Variants in VIL1 observed in about 807,000 individuals in gnomAD.
VIL1 encodes villin-1.
In VIL1, 86 loss-of-function variants were observed where a neutral mutation model predicts 104.0. That is an observed-to-expected ratio of 0.83 (90% CI 0.69 to 0.99). The LOEUF is 0.99. Ranked by LOEUF, VIL1 falls within the 50% of genes least tolerant of loss-of-function variation. VIL1 has a pLI of 0.00. For synonymous variants in VIL1, 394 were observed against 412.6 expected (o/e 0.95, Z 0.55); for missense variants, 944 against 1,054.1 (o/e 0.90, Z 1.45).
In VIL1 at chr2:218,430,759, C is replaced by T. The variant is rs375517121; in HGVS notation, c.983C>T (p.Thr328Ile). 38 of 1,610,300 alleles carry T rather than the reference C, an allele frequency of 2.4e-5. No homozygotes were observed. Among genetic ancestry groups the T allele is most frequent in the Non-Finnish European group, 2.8e-5 (33 of 1,178,250 alleles). ...FIKAKQYPPS[T>I]QVEVQNDGAE... ...AAAGCCAAGCAGTACCCACCAAGCACACAGGTGGAGGTGCAGAATGATGGG... is the reference window on the plus strand; with the variant it reads ...AAAGCCAAGCAGTACCCACCAAGCATACAGGTGGAGGTGCAGAATGATGGG... Residue 328 changes from threonine to isoleucine, a missense_variant, in exon 10 of 20, where the codon ACA (threonine) becomes ATA (isoleucine). Physicochemically the swap from Thr to Ile is moderately conservative, Grantham distance 89. Transcript: ENST00000248444.
At chr2:218,426,004 A>G (rs1476404457) in intron 4 of VIL1, among the ~76,000 whole-genome samples, 193 bp downstream of exon 4, 2 of 152,146 alleles carry the variant, frequency 1.3e-5, no homozygotes, top group African/African-American at 4.8e-5. Flanking sequence ...GACCCTCATG[A>G]GTTTTTGGTG....
chr2:218,425,147 C>T (rs1688957720), intron 3 of VIL1, among the ~76,000 whole-genome samples: 1 of 152,202 alleles, frequency 6.6e-6, no homozygotes, highest in Non-Finnish European at 1.5e-5. Flanking sequence ...ATGGCACAAT[C>T]TTGGCTCACT....
rs559873675 is a variant in VIL1 at position 218,451,451 on chromosome 2, A to G, written c.*2115A>G. ...TAAGAGTATCTACTGCAGTCATTTC[A>G]GAGGACAGAGAAGGAAAATATTTTA... is the stretch of plus-strand genomic sequence containing the variant. On this transcript the variant is annotated 3_prime_UTR_variant, in exon 20 of 20. Coordinates refer to ENST00000248444, the MANE Select transcript of VIL1 (RefSeq NM_007127.3). The G allele has an allele frequency of 6.6e-6, 1 of 152,350 alleles. No individual in the cohort carries two copies. Among genetic ancestry groups the G allele is most frequent in the South Asian group, 2.1e-4 (1 of 4,830 alleles). The allele number at this position is 152,350 out of a possible 1,614,324, so 9.4% of individuals were successfully genotyped here.
chr2:218,429,959 G>T lies in VIL1; in HGVS notation c.948+12G>T. 1.4e-6 allele frequency: 2 copies of T among 1,469,580 alleles called. No individual in the cohort carries two copies. Among genetic ancestry groups the T allele is most frequent in the South Asian group, 1.1e-5 (1 of 88,110 alleles). 91.0% of individuals were successfully genotyped at this position (1,469,580 alleles called of 1,614,324 possible). ...TGAGCCATGCGCTGGTAGTGGTGGG[G>T]GCGGGGGAGGGTCCAGGAGGAGGGC... On this transcript the variant is annotated intron_variant, in intron 9 of 19. Transcript: ENST00000248444.
intron 9 of VIL1, 80 bp from the exon 10 acceptor site, chr2:218,430,643 AGG>A: frequency 6.7e-7 from 1 of 1,490,804 alleles, no homozygotes; most frequent in Admixed American, 2.3e-5. Flanking sequence ...GGATCTGGTT[AGG>A]TTAGAGCTAG....
At chr2:218,438,979 G>A (rs1234969015) in intron 18 of VIL1, among the ~76,000 whole-genome samples, 1 of 138,222 alleles carries the variant, frequency 7.2e-6, no homozygotes, top group African/African-American at 2.7e-5. Context: ...CTCCCAGGCT[G>A]GAGTGCAGTG....
chr2:218,433,050 G>A, intron 13 of VIL1, 99 bp downstream of exon 13: 2 of 1,444,644 alleles, frequency 1.4e-6, no homozygotes, highest in Non-Finnish European at 1.9e-6. Context: ...AGGGCTTGAG[G>A]TGAAGCCCAT....
At chr2:218,419,967 A>C (rs1688871471) in intron 1 of VIL1, among the ~76,000 whole-genome samples, 1 of 152,076 alleles carries the variant, frequency 6.6e-6, no homozygotes, top group Admixed American at 6.6e-5. Context: ...CTCTTCTATC[A>C]TGAGCCTGGG....
At chr2:218,423,949 C>A in intron 2 of VIL1, 96 bp downstream of exon 2, 1 of 1,420,268 alleles carries the variant, frequency 7.0e-7, no homozygotes, top group Non-Finnish European at 9.8e-7. Context: ...GTTTCCTCTG[C>A]TCCTGCCCTG....
chr2:218,429,888 G>A lies in VIL1; in HGVS notation c.889G>A (p.Val297Met), dbSNP rs140845549. Residue 297 changes from valine to methionine, a missense_variant, in exon 9 of 20, where the codon GTG (valine) becomes ATG (methionine). Transcript: ENST00000248444. ...ILDQGGLKIY[V>M]WKGKKANEQE... ...GGACCAGGGGGGCCTGAAGATCTACGTGTGGAAAGGGAAGAAAGCCAATGA... is the reference window on the plus strand; with the variant it reads ...GGACCAGGGGGGCCTGAAGATCTACATGTGGAAAGGGAAGAAAGCCAATGA... The A allele has an allele frequency of 1.9e-5, 31 of 1,612,958 alleles. No individual in the cohort carries two copies. The highest frequency in any genetic ancestry group is 5.5e-5 in the South Asian group (5 of 91,044).
intron 19 of VIL1, among the ~76,000 whole-genome samples, chr2:218,442,728 A>G (rs1689303642): frequency 6.6e-6 from 1 of 152,250 alleles, no homozygotes; most frequent in South Asian, 2.1e-4. Context: ...TATACTCTGT[A>G]TAATAAGTCA....
At position 218,432,137 on chromosome 2, in the gene VIL1, C is replaced by T; in HGVS notation, c.1295C>T (p.Thr432Ile). ...GGCGACTGCTACCTGCTGCTCTACA[C>T]CTACCTCATCGGCGAGAAGCAGCAT... is the stretch of plus-strand genomic sequence containing the variant. ...YGGDCYLLLY[T>I]YLIGEKQHYL... is the part of the protein sequence containing the mutation. The change falls in exon 12 of 20, where the codon ACC (threonine) becomes ATC (isoleucine). Residue 432 changes from threonine to isoleucine, a missense_variant. Transcript: ENST00000248444. The T allele has an allele frequency of 6.2e-7, 1 of 1,614,082 alleles. No individual in the cohort carries two copies. The highest frequency in any genetic ancestry group is 8.5e-7 in the Non-Finnish European group (1 of 1,179,980).
intron 19 of VIL1, among the ~76,000 whole-genome samples, chr2:218,449,004 G>A (rs1159547349): frequency 4.1e-5 from 2 of 48,852 alleles, no homozygotes; most frequent in African/African-American, 5.7e-5. Context: ...GACATGGTCT[G>A]GAAAAAAAAA....
intron 1 of VIL1, among the ~76,000 whole-genome samples, chr2:218,419,642 C>A (rs1327030088): frequency 1.3e-5 from 2 of 152,218 alleles, no homozygotes; most frequent in Admixed American, 6.5e-5. Flanking sequence ...CTCCTGGCTC[C>A]TAGCATATGA....
intron 19 of VIL1, among the ~76,000 whole-genome samples, chr2:218,442,282 T>C (rs1018812324): frequency 1.3e-5 from 2 of 152,138 alleles, no homozygotes; most frequent in African/African-American, 4.8e-5. Context: ...ATCATGAGTT[T>C]GGTGGTAGCT....
chr2:218,428,748 C>T (rs1275170441), intron 6 of VIL1, among the ~76,000 whole-genome samples: 6 of 152,210 alleles, frequency 3.9e-5, no homozygotes, highest in Admixed American at 3.3e-4. Context: ...CTCAGCTCAC[C>T]GCAACCTCCG....
intron 19 of VIL1, among the ~76,000 whole-genome samples, chr2:218,443,723 T>G (rs1678913194): frequency 6.6e-6 from 1 of 151,914 alleles, no homozygotes; most frequent in Non-Finnish European, 1.5e-5. Flanking sequence ...GGCACAAGCT[T>G]GGCTCACTGC....
In VIL1 at chr2:218,429,445, C is replaced by T. The variant is rs563467125; in HGVS notation, c.728C>T (p.Thr243Met). 2.4e-5 allele frequency: 39 copies of T among 1,614,012 alleles called. No homozygotes were observed. The highest frequency in any genetic ancestry group is 1.2e-4 in the African/African-American group (9 of 75,074). The change falls in exon 7 of 20, where the codon ACG (threonine) becomes ATG (methionine). Residue 243 changes from threonine to methionine, a missense_variant. Thr to Met is a moderately conservative substitution (Grantham distance 81, BLOSUM62 -1). Coordinates refer to ENST00000248444, the MANE Select transcript of VIL1 (RefSeq NM_007127.3). ...GAGCTGAAGGCGGCCGTGCCCGACA[C>T]GGTGGTGGAGCCGGCACTCAAGGCT... Reference protein sequence around the residue: ...RRELKAAVPDTVVEPALKAAL... With the variant: ...RRELKAAVPDMVVEPALKAAL...
chr2:218,432,243 T>C, intron 12 of VIL1, 60 bp downstream of exon 12: 3 of 1,575,692 alleles, frequency 1.9e-6, no homozygotes, highest in Non-Finnish European at 2.6e-6. Context: ...TTGTACATAC[T>C]CCTGCTAAGT....
Sources: allele counts gnomAD v4.1 joint callset (sites outside exome capture counted in the v4.1 genomes callset), GRCh38; gene constraint gnomAD v4.1.1; transcripts MANE v1.5; gene names NCBI Gene and HGNC (gene_info 2026-07-23, HGNC 2026-07-21).